AFG1L: variants seen among roughly 807,000 people sequenced by gnomAD.
AFG1L encodes AFG1 like ATPase, also known as AFG1-like ATPase.
AFG1L carries 53 observed loss-of-function variants against 62.2 expected under a neutral mutation model. The observed-to-expected ratio is 0.85, with a 90% confidence interval of 0.68 to 1.07. The LOEUF is 1.07. Ranked by LOEUF, AFG1L falls within the 50% of genes least tolerant of loss-of-function variation. The pLI is 0.00. For synonymous variants in AFG1L, 228 were observed against 210.3 expected (o/e 1.08, Z -0.73); for missense variants, 555 against 590.5 (o/e 0.94, Z 0.62).
chr6:108,324,723 G>A (rs554967786), intron 2 of AFG1L, among the ~76,000 whole-genome samples: 81 of 147,074 alleles, frequency 5.5e-4, no homozygotes, highest in Admixed American at 2.3e-3. Context: ...ACAGAGTCTC[G>A]CTCTGTCACT....
At chr6:108,453,415 T>C (rs1158493346) in intron 8 of AFG1L, among the ~76,000 whole-genome samples, 1 of 152,224 alleles carries the variant, frequency 6.6e-6, no homozygotes, top group Non-Finnish European at 1.5e-5. Flanking sequence ...TTGGGAAATA[T>C]CTATTCCAAA....
At chr6:108,508,004 G>T (rs1428257153) in intron 10 of AFG1L, among the ~76,000 whole-genome samples, 1 of 152,172 alleles carries the variant, frequency 6.6e-6, no homozygotes, top group Non-Finnish European at 1.5e-5. Flanking sequence ...AAAAATAAAA[G>T]TAGCCAAGAT....
chr6:108,377,348 A>G (rs1047056865), intron 6 of AFG1L, among the ~76,000 whole-genome samples: 1 of 152,048 alleles, frequency 6.6e-6, no homozygotes, highest in Admixed American at 6.6e-5. Context: ...TCTGTGGGCT[A>G]TGTACTTAAG....
chr6:108,342,710 G>C (rs1278214289), intron 2 of AFG1L, among the ~76,000 whole-genome samples: 1 of 152,096 alleles, frequency 6.6e-6, no homozygotes, highest in Non-Finnish European at 1.5e-5. Flanking sequence ...AAATTAGCTT[G>C]TTTCCCCAAG....
chr6:108,328,757 C>A (rs1304065548), intron 2 of AFG1L, among the ~76,000 whole-genome samples: 1 of 152,088 alleles, frequency 6.6e-6, no homozygotes, highest in Non-Finnish European at 1.5e-5. Context: ...TCACAAGTAT[C>A]CTGTAACTAT....
At chr6:108,451,213 A>G (rs1410056966) in intron 8 of AFG1L, among the ~76,000 whole-genome samples, 3 of 152,238 alleles carry the variant, frequency 2.0e-5, no homozygotes, top group Non-Finnish European at 4.4e-5. Context: ...TCAGAATTTC[A>G]TACAAGTAAA....
chr6:108,453,294 G>A (rs1486320023), intron 8 of AFG1L, among the ~76,000 whole-genome samples: 1 of 136,142 alleles, frequency 7.3e-6, no homozygotes, highest in African/African-American at 2.5e-5. Context: ...ATTTGTGCTT[G>A]GCTAATATAA....
At chr6:108,315,316 AG>A (rs1159158507) in intron 1 of AFG1L, among the ~76,000 whole-genome samples, 2 of 152,150 alleles carry the variant, frequency 1.3e-5, no homozygotes, top group Non-Finnish European at 2.9e-5. Flanking sequence ...CTATAACCTT[AG>A]GCTGGGATGT....
chr6:108,402,506 C>A (rs373729780), intron 7 of AFG1L, among the ~76,000 whole-genome samples: 1 of 144,866 alleles, frequency 6.9e-6, no homozygotes, highest in East Asian at 2.0e-4. Context: ...CTTGCCAGGG[C>A]AACACGGCAA....
At chr6:108,306,604 A>T (rs1369775352) in intron 1 of AFG1L, among the ~76,000 whole-genome samples, 1 of 152,258 alleles carries the variant, frequency 6.6e-6, no homozygotes, top group East Asian at 1.9e-4. Flanking sequence ...TATTTCTCCC[A>T]TTCATTCATT....
At chr6:108,499,180 C>T (rs1376772217) in intron 10 of AFG1L, among the ~76,000 whole-genome samples, 13 of 150,892 alleles carry the variant, frequency 8.6e-5, no homozygotes, top group Admixed American at 8.6e-4. Flanking sequence ...GCCATCCTCT[C>T]ACCTCAGCCT....
intron 2 of AFG1L, among the ~76,000 whole-genome samples, chr6:108,344,117 G>A (rs765994237): frequency 2.0e-5 from 3 of 152,042 alleles, no homozygotes; most frequent in African/African-American, 7.2e-5. Context: ...TTGTTTGTTT[G>A]TTTGTTTGTT....
chr6:108,480,654 C>T (rs754566149), intron 10 of AFG1L, among the ~76,000 whole-genome samples: 7 of 152,116 alleles, frequency 4.6e-5, no homozygotes, highest in East Asian at 1.9e-4. Context: ...AGAAATTAGC[C>T]GGGCGTGGTG....
intron 10 of AFG1L, among the ~76,000 whole-genome samples, chr6:108,489,535 C>A (rs1311693354): frequency 6.6e-6 from 1 of 152,202 alleles, no homozygotes; most frequent in African/African-American, 2.4e-5. Context: ...AGTTACCATG[C>A]CCCTCATCAG....
chr6:108,396,123 C>A (rs1243291520), intron 6 of AFG1L, among the ~76,000 whole-genome samples: 1 of 151,690 alleles, frequency 6.6e-6, no homozygotes, highest in Non-Finnish European at 1.5e-5. Flanking sequence ...AAGTGATCCT[C>A]CCGACTTGGC....
rs780546178 is a variant in AFG1L, at chr6:108,522,386, T to C, written c.1407T>C (p.Thr469=). ...RTISRLTEMQ[T]EQYWNEGDRT... ...TTTCCCGACTCACGGAAATGCAGAC[T>C]GAACAGTACTGGAATGAAGGAGACA... Residue 469 remains threonine, a synonymous_variant, in exon 13 of 13, where the codon ACT becomes ACC. Coordinates refer to ENST00000368977, the MANE Select transcript of AFG1L (RefSeq NM_145315.5). 1.9e-6 allele frequency: 3 copies of C among 1,614,084 alleles called. No individual in the cohort carries two copies. In the Admixed American group the frequency reaches 5.0e-5, roughly 27 times the overall value.
At chr6:108,478,512 T>C (rs1322529767) in intron 10 of AFG1L, among the ~76,000 whole-genome samples, 1 of 152,236 alleles carries the variant, frequency 6.6e-6, no homozygotes, top group Non-Finnish European at 1.5e-5. Context: ...GGTGGTAATG[T>C]TGATCTCTGT....
chr6:108,395,453 G>A lies in AFG1L; in HGVS notation c.749-6543G>A, dbSNP rs530014747. On this transcript the variant is annotated intron_variant, in intron 6 of 12. Transcript: ENST00000368977. Reference sequence around the variant, plus strand: ...TGTCTCACTCTGCACCCAGGCTGGAGTGCAGTGGCACTATCATGACTCACT... The same window carrying A: ...TGTCTCACTCTGCACCCAGGCTGGAATGCAGTGGCACTATCATGACTCACT... Among the ~76,000 whole-genome samples, 3 of 142,108 alleles carry A rather than the reference G, an allele frequency of 2.1e-5. No individual in the cohort carries two copies. In the Admixed American group the frequency reaches 2.2e-4, roughly 10 times the overall value. 93.2% of individuals were successfully genotyped at this position (142,108 alleles called of 152,430 possible).
chr6:108,334,076 C>T (rs1369140164), intron 2 of AFG1L, among the ~76,000 whole-genome samples: 3 of 152,086 alleles, frequency 2.0e-5, no homozygotes, highest in South Asian at 4.1e-4. Context: ...GGTGCGATCT[C>T]GGCTCACTGT....
Sources: allele counts gnomAD v4.1 joint callset (sites outside exome capture counted in the v4.1 genomes callset), GRCh38; gene constraint gnomAD v4.1.1; transcripts MANE v1.5; gene names NCBI Gene and HGNC (gene_info 2026-07-23, HGNC 2026-07-21).